Variants in TMEM82 observed in about 807,000 individuals in gnomAD.
The protein encoded by TMEM82 is transmembrane protein 82.
A neutral mutation model predicts 29.2 loss-of-function variants in TMEM82; 30 were observed. The observed-to-expected ratio is 1.03, with a 90% CI of 0.77 to 1.39. TMEM82 has a LOEUF of 1.39. TMEM82 is among the 40% of genes most tolerant of loss of function. The pLI is 0.00. For synonymous variants in TMEM82, 221 were observed against 225.4 expected, an observed-to-expected ratio of 0.98 and a Z score of 0.18; for missense variants, 442 against 447.7, an observed-to-expected ratio of 0.99 and a Z score of 0.12.
At position 15,744,725 on chromosome 1, in the gene TMEM82, C is replaced by A; in HGVS notation, c.757+145C>A. The A allele has an allele frequency of 2.9e-6, 3 of 1,017,488 alleles. No homozygotes were observed. Among genetic ancestry groups the A allele is most frequent in the Non-Finnish European group, 4.2e-6 (3 of 713,750 alleles). The allele number at this position is 1,017,488 out of a possible 1,614,324, so 63.0% of individuals were successfully genotyped here. On this transcript the variant is annotated intron_variant, in intron 4 of 5. Transcript: ENST00000375782. This position sits in a 1 kb window ranked among gnomAD's most constrained non-coding sequence, Gnocchi z 5.2. Reference sequence around the variant, plus strand: ...CAGAGGCTGTGTGGCGGGGGCAGTGCAGAGAAGCAGCATGTAGTGGGCACC... The same window carrying A: ...CAGAGGCTGTGTGGCGGGGGCAGTGAAGAGAAGCAGCATGTAGTGGGCACC...
chr1:15,745,553 AAGAGAGAAAGAGAGAG>A lies in TMEM82; in HGVS notation c.757+1005_757+1020del, dbSNP rs1269855206. Among the ~76,000 whole-genome samples the A allele has an allele frequency of 3.4e-4, 51 of 148,656 alleles. 1 individual carries two copies. The highest frequency in any genetic ancestry group is 6.1e-4 in the East Asian group (3 of 4,952). ...AGAGAAAGAGAGAGAGAAAGAGAGA[AAGAGAGAAAGAGAGAG>A]AGAGAGAAAGAGAGAGAGAGAGAAA... is the stretch of plus-strand genomic sequence containing the variant. On this transcript the variant is annotated intron_variant, in intron 4 of 5. Coordinates refer to ENST00000375782, the MANE Select transcript of TMEM82 (RefSeq NM_001013641.3).
At chr1:15,747,170 T>A in intron 5 of TMEM82, 116 bp downstream of exon 5, 1 of 1,077,066 alleles carries the variant, frequency 9.3e-7, no homozygotes, top group Non-Finnish European at 1.3e-6. Flanking sequence ...CTCACACCTG[T>A]AATCCCAAAT....
Position 15,747,722 on chromosome 1 carries a change from G to A in TMEM82, c.*90G>A, listed in dbSNP as rs1569615561. On this transcript the variant is annotated 3_prime_UTR_variant, in exon 6 of 6. Transcript: ENST00000375782. ...CCAGGGCGATGCCTGGAGGCAGAGT[G>A]GCAGAGCTGGCCTCCTGCCCAGAGC... 3 of 1,194,392 alleles carry A rather than the reference G, an allele frequency of 2.5e-6. No individual in the cohort carries two copies. Among genetic ancestry groups the A allele is most frequent in the East Asian group, 2.5e-5 (1 of 40,366 alleles). 74.0% of individuals were successfully genotyped at this position (1,194,392 alleles called of 1,614,324 possible).
At chr1:15,743,686 G>T (rs924625932) in intron 3 of TMEM82, among the ~76,000 whole-genome samples, 3 of 152,206 alleles carry the variant, frequency 2.0e-5, no homozygotes, top group African/African-American at 7.2e-5. Context: ...GGGCGTGGTG[G>T]CTCACGCCTG....
At chr1:15,745,892 CA>C (rs914390608) in intron 4 of TMEM82, among the ~76,000 whole-genome samples, 1,155 of 86,388 alleles carry the variant, frequency 0.013, 14 homozygotes, top group African/African-American at 0.033. Flanking sequence ...CCATCTCAAA[CA>C]AAAAAAAAAA....
rs10927846 is a variant in TMEM82 at position 15,747,973 on chromosome 1, T to A, written c.*341T>A. On this transcript the variant is annotated 3_prime_UTR_variant, in exon 6 of 6. Transcript: ENST00000375782. ...TTCTCCATGAACAATAAAGACGATG[T>A]CTTTCTCAACCTGTGCTTAGAATCA... 0.37 allele frequency: 86,302 copies of A among 233,500 alleles called. 18,394 individuals are homozygous for A. The highest frequency in any genetic ancestry group is 0.63 in the African/African-American group (27,741 of 44,176). The allele number at this position is 233,500 out of a possible 1,614,324, so 14.5% of individuals were successfully genotyped here.
chr1:15,747,781 G>A lies in TMEM82; in HGVS notation c.*149G>A. 3 of 652,126 alleles carry A rather than the reference G, an allele frequency of 4.6e-6. No individual in the cohort carries two copies. Among genetic ancestry groups the A allele is most frequent in the Non-Finnish European group, 7.3e-6 (3 of 408,752 alleles). 40.4% of individuals were successfully genotyped at this position (652,126 alleles called of 1,614,324 possible). ...GGCCCTGGGAGCCCCGAGAAGGGAAGGCAGGATTTGGGGATGGGAGCCTCT... is the reference window on the plus strand; with the variant it reads ...GGCCCTGGGAGCCCCGAGAAGGGAAAGCAGGATTTGGGGATGGGAGCCTCT... On this transcript the variant is annotated 3_prime_UTR_variant, in exon 6 of 6. Coordinates refer to ENST00000375782, the MANE Select transcript of TMEM82 (RefSeq NM_001013641.3).
chr1:15,744,200 T>C lies in TMEM82; in HGVS notation c.377T>C (p.Leu126Pro), dbSNP rs373163383. Residue 126 changes from leucine (L) to proline (P), a missense_variant, in exon 4 of 6, where the codon CTG (leucine) becomes CCG (proline). By Grantham distance (98) the Leu-to-Pro change is moderately conservative. Coordinates refer to ENST00000375782, the MANE Select transcript of TMEM82 (RefSeq NM_001013641.3). This position sits in a 1 kb window ranked among gnomAD's most constrained non-coding sequence, Gnocchi z 5.2. ...GCCGAGAGGCTGCAGCTCTACCTGC[T>C]GTGCCAGTACTCGCTGGGCTGCGGG... The part of the protein sequence containing the change: ...GAAERLQLYL[L>P]CQYSLGCGLT... 317 of 1,590,302 alleles carry C rather than the reference T, an allele frequency of 2.0e-4. 1 individual carries two copies. In the Middle Eastern group the frequency reaches 2.4e-3, roughly 12 times the overall value.
Position 15,746,885 on chromosome 1 carries a change from C to T in TMEM82, c.776C>T (p.Pro259Leu). 6.3e-7 allele frequency: 1 copy of T among 1,592,332 alleles called. No individual in the cohort carries two copies. The highest frequency in any genetic ancestry group is 8.5e-7 in the Non-Finnish European group (1 of 1,174,784). The part of the protein sequence containing the change: ...IYMQEEQRQH[P>L]GLQSQVQTVL... ...CCCACAGAGGAGCAGCGGCAGCACC[C>T]CGGCCTGCAGAGCCAGGTGCAGACG... Residue 259 changes from proline to leucine, a missense_variant, in exon 5 of 6, where the codon CCC becomes CTC. Coordinates refer to ENST00000375782, the MANE Select transcript of TMEM82 (RefSeq NM_001013641.3).
Position 15,744,247 on chromosome 1 carries a change from C to T in TMEM82, c.424C>T (p.Leu142=). 2 of 1,582,086 alleles carry T rather than the reference C, an allele frequency of 1.3e-6. No homozygotes were observed. The highest frequency in any genetic ancestry group is 2.3e-5 in the South Asian group (2 of 87,460). ...CGGGCTGACCTGTGGCCTGAGCTTC[C>T]TGCAGGAGGGCGCCCCTCACCGCAC... ...GCGLTCGLSF[L]QEGAPHRTLN... Residue 142 remains leucine, a synonymous_variant, in exon 4 of 6, where the codon CTG becomes TTG. Coordinates refer to ENST00000375782, the MANE Select transcript of TMEM82 (RefSeq NM_001013641.3). This position sits in a 1 kb window ranked among gnomAD's most constrained non-coding sequence, Gnocchi z 5.2.
At chr1:15,743,220 T>C (rs1476290263) in intron 3 of TMEM82, 26 bp downstream of exon 3, 3 of 1,594,666 alleles carry the variant, frequency 1.9e-6, no homozygotes, top group African/African-American at 2.7e-5. Flanking sequence ...AGGCAGTGGG[T>C]GGATCACTCC....
Position 15,747,751 on chromosome 1 carries a change from G to A in TMEM82, c.*119G>A. 1.1e-6 allele frequency: 1 copy of A among 885,144 alleles called. No individual in the cohort carries two copies. Among genetic ancestry groups the A allele is most frequent in the African/African-American group, 1.7e-5 (1 of 58,450 alleles). 54.8% of individuals were successfully genotyped at this position (885,144 alleles called of 1,614,324 possible). On this transcript the variant is annotated 3_prime_UTR_variant, in exon 6 of 6. Transcript: ENST00000375782. ...GAGCTGGCCTCCTGCCCAGAGCTCA[G>A]CACAGGCCCTGGGAGCCCCGAGAAG...
At chr1:15,747,351 T>A (rs1230382282) in intron 5 of TMEM82, among the ~76,000 whole-genome samples, 195 bp from the exon 6 acceptor site, 3 of 150,478 alleles carry the variant, frequency 2.0e-5, no homozygotes, top group African/African-American at 7.3e-5. Flanking sequence ...CAGAGGGAGC[T>A]GGAATCACCT....
At position 15,747,197 on chromosome 1, in the gene TMEM82, C is replaced by A. The variant is rs969012680; in HGVS notation, c.945+143C>A. ...ATCCCAAATACTCAGGAGGCTGAGA[C>A]CTGAGAATCACTTGAACCCAGGAGG... On this transcript the variant is annotated intron_variant, in intron 5 of 5. Coordinates refer to ENST00000375782, the MANE Select transcript of TMEM82 (RefSeq NM_001013641.3). 103 of 912,934 alleles carry A rather than the reference C, an allele frequency of 1.1e-4. No homozygotes were observed. In the African/African-American group the frequency reaches 1.5e-3, roughly 13 times the overall value. The allele number at this position is 912,934 out of a possible 1,614,324, so 56.6% of individuals were successfully genotyped here.
At position 15,744,031 on chromosome 1, in the gene TMEM82, C is replaced by T; in HGVS notation, c.337-129C>T. On this transcript the variant is annotated intron_variant, in intron 3 of 5. Coordinates refer to ENST00000375782, the MANE Select transcript of TMEM82 (RefSeq NM_001013641.3). This position sits in a 1 kb window ranked among gnomAD's most constrained non-coding sequence, Gnocchi z 5.2. ...TGAGAGAGATGATCCCCTAGGGCTT[C>T]ATCTGAAGCCGATGTGGCCCCTTCG... The T allele has an allele frequency of 1.2e-6, 1 of 838,956 alleles. No individual in the cohort carries two copies. Among genetic ancestry groups the T allele is most frequent in the Non-Finnish European group, 1.8e-6 (1 of 560,012 alleles). 52.0% of individuals were successfully genotyped at this position (838,956 alleles called of 1,614,324 possible).
At chr1:15,742,948 G>A (rs1227970297) in intron 2 of TMEM82, 41 bp downstream of exon 2, 1 of 1,609,094 alleles carries the variant, frequency 6.2e-7, no homozygotes, top group Non-Finnish European at 8.5e-7. Flanking sequence ...GTGGCTGGGG[G>A]CACGGGGACC....
In TMEM82 at chr1:15,747,685, G is replaced by C; in HGVS notation, c.*53G>C. 6.5e-7 allele frequency: 1 copy of C among 1,527,900 alleles called. No individual in the cohort carries two copies. The allele number at this position is 1,527,900 out of a possible 1,614,324, so 94.6% of individuals were successfully genotyped here. A position where few individuals can be genotyped will look rare whatever the true frequency, so the allele number is the denominator to read the frequency against. On this transcript the variant is annotated 3_prime_UTR_variant, in exon 6 of 6. Coordinates refer to ENST00000375782, the MANE Select transcript of TMEM82 (RefSeq NM_001013641.3). ...TCTCAAGCCCACTAGCCTGATCTCC[G>C]AGGCCTTGACCCCAGGGCGATGCCT...
Position 15,747,910 on chromosome 1 carries a change from T to TCCTCAGGAGGGCTC in TMEM82, c.*281_*294dup. On this transcript the variant is annotated 3_prime_UTR_variant, in exon 6 of 6. Transcript: ENST00000375782. Reference sequence around the variant, plus strand: ...CTTCCTGGGCAGGGGTGGGGGTGCATCCTCAGGAGGGCTCCCCCTTTACTG... The same window carrying TCCTCAGGAGGGCTC: ...CTTCCTGGGCAGGGGTGGGGGTGCATCCTCAGGAGGGCTCCCTCAGGAGGGCTCCCCCTTTACTG... 4 of 380,356 alleles carry TCCTCAGGAGGGCTC rather than the reference T, an allele frequency of 1.1e-5. No individual in the cohort carries two copies. Among genetic ancestry groups the TCCTCAGGAGGGCTC allele is most frequent in the Non-Finnish European group, 1.9e-5 (4 of 212,664 alleles). The allele number at this position is 380,356 out of a possible 1,614,324, so 23.6% of individuals were successfully genotyped here.
At chr1:15,742,779 C>T in intron 1 of TMEM82, 56 bp from the exon 2 acceptor site, 3 of 1,572,288 alleles carry the variant, frequency 1.9e-6, no homozygotes, top group Non-Finnish European at 2.6e-6. Context: ...ACCAATGAAG[C>T]CTGCCCTCCT....
Sources: allele counts gnomAD v4.1 joint callset (sites outside exome capture counted in the v4.1 genomes callset), GRCh38; gene constraint gnomAD v4.1.1; non-coding constraint Gnocchi (gnomAD v3.1); transcripts MANE v1.5; gene names NCBI Gene and HGNC (gene_info 2026-07-23, HGNC 2026-07-21).